TET2: variants seen among roughly 807,000 people sequenced by gnomAD.
TET2 encodes methylcytosine dioxygenase TET2.
Under a neutral mutation model 142.9 loss-of-function variants are expected in TET2, and 299 were observed. That is an observed-to-expected ratio of 2.09 (90% CI 1.90 to 2.30). The LOEUF is 2.30. Among genes scored for constraint, TET2 ranks in the 30% most tolerant of loss-of-function variants. TET2 has a pLI of 0.00. For synonymous variants in TET2, 819 were observed against 849.0 expected, an observed-to-expected ratio of 0.96 and a Z score of 0.61; for missense variants, 2,418 against 2,378.0, an observed-to-expected ratio of 1.02 and a Z score of -0.35.
chr4:105,209,217 C>T (rs1727020017), intron 2 of TET2, among the ~76,000 whole-genome samples: 1 of 150,966 alleles, frequency 6.6e-6, no homozygotes. Context: ...CAACCAGGCT[C>T]ACTAAGTTTG....
intron 2 of TET2, among the ~76,000 whole-genome samples, chr4:105,215,279 T>G (rs1727426966): frequency 6.6e-6 from 1 of 152,144 alleles, no homozygotes; most frequent in African/African-American, 2.4e-5. Flanking sequence ...AAAATCTAAT[T>G]TTCTTCAACT....
At chr4:105,241,141 C>A (rs938315562) in intron 3 of TET2, 198 bp from the exon 4 acceptor site, 9 of 1,168,736 alleles carry the variant, frequency 7.7e-6, no homozygotes, top group Non-Finnish European at 9.8e-6. Context: ...TATCCAACAA[C>A]CAGCATGTAC....
chr4:105,237,784 G>C (rs1729047331), intron 3 of TET2: 1 of 1,131,900 alleles, frequency 8.8e-7, no homozygotes, highest in Non-Finnish European at 1.1e-6. Context: ...AAATATATTA[G>C]TTTCACAAGA....
In TET2 at chr4:105,243,749, C is replaced by CA; in HGVS notation, c.3775dup (p.Thr1259AsnfsTer9). On this transcript the variant is annotated frameshift_variant, in exon 6 of 11. Coordinates refer to ENST00000380013, the MANE Select transcript of TET2 (RefSeq NM_001127208.3). LOFTEE classifies it high-confidence loss of function. Reference sequence around the variant, plus strand: ...AGACGCTGAGGAAATACGGCACGCTCACCAATCGCCGGTGTGCCTTGAATG... The same window carrying CA: ...AGACGCTGAGGAAATACGGCACGCTCAACCAATCGCCGGTGTGCCTTGAATG... 6.4e-7 allele frequency: 1 copy of CA among 1,551,518 alleles called. No individual in the cohort carries two copies. The highest frequency in any genetic ancestry group is 8.7e-7 in the Non-Finnish European group (1 of 1,146,900).
intron 1 of TET2, among the ~76,000 whole-genome samples, chr4:105,147,998 A>G (rs190159644): frequency 1.3e-5 from 2 of 151,838 alleles, no homozygotes; most frequent in Non-Finnish European, 2.9e-5. Context: ...TTGGTCTTTC[A>G]TCTCTCTGCC....
intron 3 of TET2, chr4:105,238,365 A>T (rs1290399422): frequency 4.2e-6 from 1 of 238,864 alleles, no homozygotes; most frequent in African/African-American, 2.2e-5. Context: ...TCCATTCACA[A>T]AAGATTTCTC....
chr4:105,171,889 A>C (rs1724487867), intron 1 of TET2, among the ~76,000 whole-genome samples: 1 of 152,224 alleles, frequency 6.6e-6, no homozygotes, highest in South Asian at 2.1e-4. Flanking sequence ...AAGATTTATC[A>C]TCACCTTCAT....
At chr4:105,192,501 T>C (rs111450610) in intron 2 of TET2, among the ~76,000 whole-genome samples, 3 of 152,224 alleles carry the variant, frequency 2.0e-5, no homozygotes, top group African/African-American at 4.8e-5. Flanking sequence ...GATTATTTTA[T>C]GCATTACCTG....
intron 3 of TET2, chr4:105,238,556 A>G (rs982924093): frequency 1.6e-5 from 4 of 243,942 alleles, no homozygotes; most frequent in Non-Finnish European, 2.6e-5. Context: ...CATCTCAAAC[A>G]TTCTTTGTTC....
Position 105,234,796 on chromosome 4 carries a change from C to T in TET2, c.854C>T (p.Pro285Leu). 1.2e-6 allele frequency: 2 copies of T among 1,613,848 alleles called. No homozygotes were observed. The highest frequency in any genetic ancestry group is 1.7e-6 in the Non-Finnish European group (2 of 1,179,906). The change falls in exon 3 of 11, where the codon CCT becomes CTT. Residue 285 changes from proline (P) to leucine (L), a missense_variant. Transcript: ENST00000380013. ...GCACAGACCTCTAACTCTGAGCTGC[C>T]TCCAAAGCCAGCTGCAGTGGTGAGT... ...NSAQTSNSEL[P>L]PKPAAVVSEA...
intron 1 of TET2, among the ~76,000 whole-genome samples, chr4:105,185,489 AAC>A (rs1725373555): frequency 6.6e-6 from 1 of 152,212 alleles, no homozygotes; most frequent in Admixed American, 6.5e-5. Flanking sequence ...ACCTTTCTAA[AAC>A]ACAGTGAGAC....
intron 2 of TET2, among the ~76,000 whole-genome samples, chr4:105,201,189 A>G (rs1000242804): frequency 1.3e-5 from 2 of 152,312 alleles, no homozygotes; most frequent in African/African-American, 4.8e-5. Flanking sequence ...CAAGAGTTCA[A>G]TTTAGAAATG....
Position 105,235,863 on chromosome 4 carries a change from G to A in TET2, c.1921G>A (p.Gly641Arg). The A allele has an allele frequency of 1.2e-6, 2 of 1,613,922 alleles. No individual in the cohort carries two copies. ...AATGTACCAAGTTGAAATGAATCAA[G>A]GGCAGTCCCAAGGTACAGTGGACCA... ...SQMYQVEMNQ[G>R]QSQGTVDQHL... Residue 641 changes from glycine to arginine, a missense_variant, in exon 3 of 11, where the codon GGG becomes AGG. By Grantham distance (125) the Gly-to-Arg change is moderately radical. Coordinates refer to ENST00000380013, the MANE Select transcript of TET2 (RefSeq NM_001127208.3).
chr4:105,180,280 A>T (rs542453953), intron 1 of TET2, among the ~76,000 whole-genome samples: 2 of 152,330 alleles, frequency 1.3e-5, no homozygotes, highest in Admixed American at 6.5e-5. Flanking sequence ...GCCAAACTCC[A>T]CTTTGCTCAG....
Position 105,236,012 on chromosome 4 carries a change from A to G in TET2, c.2070A>G (p.Gln690=), listed in dbSNP as rs758193572. ...ATTTTCAACAAAGAGCAGATTCCCA[A>G]ACTGAAAAACTTATGTCCCCAGTGT... ...RFHFQQRADS[Q]TEKLMSPVLK... is the part of the protein sequence containing the mutation. Residue 690 remains glutamine (Q), a synonymous_variant, in exon 3 of 11, where the codon CAA becomes CAG. Coordinates refer to ENST00000380013, the MANE Select transcript of TET2 (RefSeq NM_001127208.3). 1.2e-6 allele frequency: 2 copies of G among 1,614,140 alleles called. No homozygotes were observed. Among genetic ancestry groups the G allele is most frequent in the Admixed American group, 1.7e-5 (1 of 60,012 alleles).
intron 2 of TET2, among the ~76,000 whole-genome samples, chr4:105,212,450 CAG>C (rs1420014231): frequency 6.6e-6 from 1 of 152,100 alleles, no homozygotes; most frequent in Non-Finnish European, 1.5e-5. Context: ...GGCAACTTAA[CAG>C]AGTTATAATA....
chr4:105,243,513 CTTGTT>C, intron 5 of TET2, 52 bp from the exon 6 acceptor site: 1 of 1,487,662 alleles, frequency 6.7e-7, no homozygotes, highest in Non-Finnish European at 9.2e-7. Flanking sequence ...GCAAGTGACC[CTTGTT>C]TTGTTTTGGT....
At chr4:105,150,609 T>C (rs568947582) in intron 1 of TET2, among the ~76,000 whole-genome samples, 38 of 152,222 alleles carry the variant, frequency 2.5e-4, no homozygotes, top group African/African-American at 4.8e-4. Flanking sequence ...AACTTTACAA[T>C]TGGAGCCTTC....
intron 6 of TET2, among the ~76,000 whole-genome samples, chr4:105,250,544 TTGAC>T (rs1729821743): frequency 6.6e-6 from 1 of 151,494 alleles, no homozygotes; most frequent in South Asian, 2.1e-4. Flanking sequence ...TTCTGGGACT[TTGAC>T]TGGGGTTCTG....
Sources: allele counts gnomAD v4.1 joint callset (sites outside exome capture counted in the v4.1 genomes callset), GRCh38; gene constraint gnomAD v4.1.1; transcripts MANE v1.5; gene names NCBI Gene and HGNC (gene_info 2026-07-23, HGNC 2026-07-21).